The following VEGFC variants were observed in gnomAD, a reference collection of about 807,000 sequenced individuals.
The protein encoded by VEGFC is vascular endothelial growth factor C.
Under a neutral mutation model 46.1 loss-of-function variants are expected in VEGFC, and 12 were observed. The ratio of observed to expected loss-of-function variants is 0.26; its 90% CI spans 0.17 to 0.42. VEGFC has a LOEUF of 0.42. VEGFC is among the 10% of genes least tolerant of loss of function. VEGFC has a pLI of 1.00. For missense variants in VEGFC, 488 were observed against 529.4 expected, an observed-to-expected ratio of 0.92 and a Z score of 0.77; for synonymous variants, 232 against 195.5, an observed-to-expected ratio of 1.19 and a Z score of -1.56.
intron 4 of VEGFC, among the ~76,000 whole-genome samples, chr4:176,701,163 G>C (rs1045873315): frequency 6.6e-6 from 1 of 152,162 alleles, no homozygotes; most frequent in African/African-American, 2.4e-5. Context: ...CCATGCTAAT[G>C]CAAGATGTTA....
At chr4:176,685,833 A>C (rs1333790829) in intron 6 of VEGFC, among the ~76,000 whole-genome samples, 1 of 152,186 alleles carries the variant, frequency 6.6e-6, no homozygotes, top group African/African-American at 2.4e-5. Flanking sequence ...GAAAAATATA[A>C]TCAATGAGAT....
At chr4:176,788,075 G>C (rs1736033252) in intron 1 of VEGFC, among the ~76,000 whole-genome samples, 1 of 152,170 alleles carries the variant, frequency 6.6e-6, no homozygotes, top group Non-Finnish European at 1.5e-5. Flanking sequence ...ACTTAAATTT[G>C]TTCTTTCCAA....
chr4:176,777,631 T>C (rs916309448), intron 1 of VEGFC, among the ~76,000 whole-genome samples: 1 of 151,862 alleles, frequency 6.6e-6, no homozygotes, highest in Non-Finnish European at 1.5e-5. Context: ...GCAATTCTTG[T>C]TATATATAGG....
At position 176,792,355 on chromosome 4, in the gene VEGFC, AG is replaced by A. The variant is rs1736114259; in HGVS notation, c.-45del. 1 of 604,276 alleles carries A rather than the reference AG, an allele frequency of 1.7e-6. No homozygotes were observed. The highest frequency in any genetic ancestry group is 2.5e-6 in the Non-Finnish European group (1 of 406,502). 37.4% of individuals were successfully genotyped at this position (604,276 alleles called of 1,614,324 possible). ...GGGGGACCGGTCCGCTGGCGGGGGC[AG>A]GGGTGGGGGCGCGGGCGCCCCTGCG... On this transcript the variant is annotated 5_prime_UTR_variant, in exon 1 of 7. Transcript: ENST00000618562. This position sits in a 1 kb window ranked among gnomAD's most constrained non-coding sequence, Gnocchi z 6.3.
intron 1 of VEGFC, among the ~76,000 whole-genome samples, chr4:176,740,340 T>C (rs1263415553): frequency 8.4e-6 from 1 of 119,752 alleles, no homozygotes; most frequent in Admixed American, 9.6e-5. Flanking sequence ...TATATATAAC[T>C]ATATATTTAT....
chr4:176,763,590 G>T lies in VEGFC; in HGVS notation c.147+28575C>A, dbSNP rs144564688. The stretch of plus-strand genomic sequence containing the variant: ...ACACTGGCATTCATTTATTGTTATA[G>T]ATCTTAAGTATATGTTATATTCTTT... On this transcript the variant is annotated intron_variant, in intron 1 of 6. Transcript: ENST00000618562. 3.0e-3 allele frequency among the ~76,000 whole-genome samples: 462 copies of T among 152,140 alleles called. 2 individuals carry two copies. Among genetic ancestry groups the T allele is most frequent in the African/African-American group, 0.01 (416 of 41,534 alleles).
chr4:176,737,655 T>C (rs1320482962), intron 1 of VEGFC, among the ~76,000 whole-genome samples: 1 of 151,668 alleles, frequency 6.6e-6, no homozygotes, highest in Non-Finnish European at 1.5e-5. Context: ...TATTGTAGGA[T>C]AACTGCTTTT....
At chr4:176,688,947 AGACCTTTTCAGG>A (rs1734097601) in intron 4 of VEGFC, among the ~76,000 whole-genome samples, 1 of 152,206 alleles carries the variant, frequency 6.6e-6, no homozygotes, top group African/African-American at 2.4e-5. Flanking sequence ...CATTACTACT[AGACCTTTTCAGG>A]GGGCAGAGCT....
rs1464543104 is a variant in VEGFC at position 176,740,192 on chromosome 4, T to TTCTATATATAGAATATATA, written c.148-10465_148-10447dup. 7.6e-3 allele frequency among the ~76,000 whole-genome samples: 943 copies of TTCTATATATAGAATATATA among 123,282 alleles called. 23 individuals carry two copies. Among genetic ancestry groups the TTCTATATATAGAATATATA allele is most frequent in the African/African-American group, 0.028 (864 of 30,612 alleles). 80.9% of individuals were successfully genotyped at this position (123,282 alleles called of 152,430 possible). A position where few individuals can be genotyped will look rare whatever the true frequency, so the allele number is the denominator to read the frequency against. ...ATATATAACTATATATAACTATATA[T>TTCTATATATAGAATATATA]TCTATATATAGAATATATATCTATA... On this transcript the variant is annotated intron_variant, in intron 1 of 6. Coordinates refer to ENST00000618562, the MANE Select transcript of VEGFC (RefSeq NM_005429.5).
At chr4:176,772,201 A>G (rs1406202351) in intron 1 of VEGFC, among the ~76,000 whole-genome samples, 1 of 152,334 alleles carries the variant, frequency 6.6e-6, no homozygotes, top group South Asian at 2.1e-4. Context: ...ACTTAATTTG[A>G]CATTATTTAA....
chr4:176,758,254 T>C (rs1345090669), intron 1 of VEGFC, among the ~76,000 whole-genome samples: 1 of 152,114 alleles, frequency 6.6e-6, no homozygotes, highest in East Asian at 1.9e-4. Context: ...TGAGGACAAA[T>C]ATTTCCTCAG....
intron 1 of VEGFC, among the ~76,000 whole-genome samples, chr4:176,762,669 T>A (rs1280158972): frequency 6.6e-6 from 1 of 152,360 alleles, no homozygotes; most frequent in African/African-American, 2.4e-5. Context: ...CATGCACACA[T>A]ATGTACTTCC....
At chr4:176,687,703 T>C (rs55761370) in intron 5 of VEGFC, 118 bp downstream of exon 5, 10,286 of 1,001,826 alleles carry the variant, frequency 0.01, 81 homozygotes, top group Non-Finnish European at 0.013. Flanking sequence ...AAATGTACTA[T>C]TTTTTAGTCA....
rs112469340 is a variant in VEGFC, at chr4:176,691,080, T to G, written c.705-3153A>C. ...TAAAGAAAGCACCGTGCTTCAAAAG[T>G]GAGGAGCAAGTTCTTCGCATTTAAA... On this transcript the variant is annotated intron_variant, in intron 4 of 6. Coordinates refer to ENST00000618562, the MANE Select transcript of VEGFC (RefSeq NM_005429.5). Among the ~76,000 whole-genome samples, 668 of 152,284 alleles carry G rather than the reference T, an allele frequency of 4.4e-3. 6 individuals carry two copies. Among genetic ancestry groups the G allele is most frequent in the African/African-American group, 0.014 (585 of 41,560 alleles).
intron 3 of VEGFC, among the ~76,000 whole-genome samples, chr4:176,727,368 T>TTGAATGCTGTTTGCACTG (rs2111015691): frequency 6.6e-6 from 1 of 152,276 alleles, no homozygotes; most frequent in East Asian, 1.9e-4. Context: ...CGCATTTAAT[T>TTGAATGCTGTTTGCACTG]TTACACTTTG....
At chr4:176,695,133 G>A (rs1269617102) in intron 4 of VEGFC, among the ~76,000 whole-genome samples, 1 of 150,056 alleles carries the variant, frequency 6.7e-6, no homozygotes, top group Non-Finnish European at 1.5e-5. Flanking sequence ...TAAAATCAGA[G>A]CAGAACTGAA....
intron 1 of VEGFC, among the ~76,000 whole-genome samples, chr4:176,784,815 A>G (rs933372552): frequency 6.6e-6 from 1 of 151,872 alleles, no homozygotes; most frequent in South Asian, 2.1e-4. Flanking sequence ...AGACACAAAG[A>G]AAAAGAAAAA....
At chr4:176,685,018 C>T (rs534631939) in intron 6 of VEGFC, among the ~76,000 whole-genome samples, 65 of 152,104 alleles carry the variant, frequency 4.3e-4, no homozygotes, top group African/African-American at 1.3e-3. Flanking sequence ...TGAGCCACCA[C>T]GCCTGGTGAG....
intron 3 of VEGFC, among the ~76,000 whole-genome samples, chr4:176,719,292 A>T (rs1365426788): frequency 8.2e-6 from 1 of 121,558 alleles, no homozygotes; most frequent in Non-Finnish European, 1.7e-5. Context: ...TTTTAACAAA[A>T]CGAAAAGTCT....
Sources: allele counts gnomAD v4.1 joint callset (sites outside exome capture counted in the v4.1 genomes callset), GRCh38; gene constraint gnomAD v4.1.1; non-coding constraint Gnocchi (gnomAD v3.1); transcripts MANE v1.5; gene names NCBI Gene and HGNC (gene_info 2026-07-23, HGNC 2026-07-21).